The following NAALADL2 variants were observed in gnomAD, a reference collection of about 807,000 sequenced individuals.
NAALADL2 encodes inactive N-acetylated-alpha-linked acidic dipeptidase-like protein 2.
In NAALADL2, 76 loss-of-function variants were observed where a neutral mutation model predicts 87.2. That is an observed-to-expected ratio of 0.87 (90% CI 0.72 to 1.05). The LOEUF is 1.05. Ranked by LOEUF, NAALADL2 falls within the 50% of genes least tolerant of loss-of-function variation. NAALADL2 has a pLI of 0.00. For missense variants in NAALADL2, 1,089 were observed against 945.8 expected (o/e 1.15, Z -1.99); for synonymous variants, 354 against 331.0 (o/e 1.07, Z -0.75).
rs552982480 is a variant in NAALADL2 at position 174,584,514 on chromosome 3, C to T, written c.-115+33877C>T. Among the ~76,000 whole-genome samples, 33 of 152,042 alleles carry T rather than the reference C, an allele frequency of 2.2e-4. No homozygotes were observed. The South Asian group carries it at 4.2e-3, about 19-fold the overall frequency. On this transcript the variant is annotated intron_variant, in intron 2 of 3. Transcript: ENST00000434257. ...TGTGCTTCAACTTTCTACACATAGA[C>T]GAACAAAAAATTATTTTCAAATGTT...
intron 1 of NAALADL2, among the ~76,000 whole-genome samples, chr3:174,886,844 T>A (rs1248909555): frequency 6.6e-6 from 1 of 152,184 alleles, no homozygotes; most frequent in Non-Finnish European, 1.5e-5. Context: ...GTCTACCTAC[T>A]TCTCCTTTTA....
At chr3:174,677,803 G>A (rs567637485) in intron 2 of NAALADL2, among the ~76,000 whole-genome samples, 12 of 151,840 alleles carry the variant, frequency 7.9e-5, no homozygotes, top group Middle Eastern at 3.4e-3. Flanking sequence ...CATCAGAGCC[G>A]TCTTGCATCT....
Position 175,324,028 on chromosome 3 carries a change from C to CAAA in NAALADL2, c.940-134_940-132dup, listed in dbSNP as rs372517580. On this transcript the variant is annotated intron_variant, in intron 4 of 13. Transcript: ENST00000454872. ...GCGAGACTCCATCTCAAAAAACAAA[C>CAAA]AAAAAAAAAAAAAAAGAAAAAGAAA... The CAAA allele has an allele frequency of 4.4e-3, 1,917 of 432,586 alleles. 6 individuals are homozygous for CAAA. The highest frequency in any genetic ancestry group is 0.019 in the African/African-American group (573 of 30,946). 26.8% of individuals were successfully genotyped at this position (432,586 alleles called of 1,614,324 possible). A position where few individuals can be genotyped will look rare whatever the true frequency, so the allele number is the denominator to read the frequency against.
At chr3:174,730,554 T>C (rs1732601503) in intron 2 of NAALADL2, among the ~76,000 whole-genome samples, 1 of 152,210 alleles carries the variant, frequency 6.6e-6, no homozygotes, top group South Asian at 2.1e-4. Context: ...GAAATTTATG[T>C]GTCAAATTTC....
At chr3:174,509,953 A>G (rs185146706) in intron 1 of NAALADL2, among the ~76,000 whole-genome samples, 1 of 152,206 alleles carries the variant, frequency 6.6e-6, no homozygotes, top group African/African-American at 2.4e-5. Context: ...TTTATCATGA[A>G]TAGGTGTCAA....
At chr3:174,779,860 GT>G (rs1715721042) in intron 3 of NAALADL2, among the ~76,000 whole-genome samples, 1 of 152,156 alleles carries the variant, frequency 6.6e-6, no homozygotes, top group Admixed American at 6.5e-5. Context: ...ATACCATGCT[GT>G]TTTGGTTACT....
chr3:175,741,391 C>T (rs1745218768), intron 12 of NAALADL2, among the ~76,000 whole-genome samples: 1 of 152,052 alleles, frequency 6.6e-6, no homozygotes, highest in Non-Finnish European at 1.5e-5. Context: ...CTAAAAGATC[C>T]TACCTCCTAA....
Position 175,589,708 on chromosome 3 carries a change from TA to T in NAALADL2, c.1800+13522del, listed in dbSNP as rs1186289353. ...TTTTGTTGAGCATTTTTAGAATTGA[TA>T]TTTGTTCCTCTCTCTAATTCTTCTA... On this transcript the variant is annotated intron_variant, in intron 10 of 13. Transcript: ENST00000454872. 2.6e-5 allele frequency among the ~76,000 whole-genome samples: 4 copies of T among 151,778 alleles called. No individual in the cohort carries two copies. In the East Asian group the frequency reaches 7.8e-4, roughly 29 times the overall value.
chr3:175,154,619 A>T (rs1008515937), intron 2 of NAALADL2, among the ~76,000 whole-genome samples: 10 of 151,992 alleles, frequency 6.6e-5, no homozygotes, highest in African/African-American at 2.2e-4. Context: ...CATTATTAAT[A>T]ATATCACAGG....
intron 2 of NAALADL2, among the ~76,000 whole-genome samples, chr3:174,565,802 G>A (rs978472243): frequency 2.0e-5 from 3 of 151,958 alleles, no homozygotes; most frequent in Admixed American, 6.6e-5. Flanking sequence ...ATGAGTGAAA[G>A]TTTCTGTTAA....
At chr3:175,670,549 C>G (rs369560359) in intron 11 of NAALADL2, among the ~76,000 whole-genome samples, 3 of 5,052 alleles carry the variant, frequency 5.9e-4, no homozygotes, top group African/African-American at 6.6e-4. Flanking sequence ...TATTATTTTA[C>G]ATTATATTAA....
At chr3:175,359,139 A>G (rs746534383) in intron 5 of NAALADL2, among the ~76,000 whole-genome samples, 1 of 152,136 alleles carries the variant, frequency 6.6e-6, no homozygotes. Flanking sequence ...TTATTGCACA[A>G]TCTCCAAAGT....
intron 1 of NAALADL2, among the ~76,000 whole-genome samples, chr3:174,509,518 C>T (rs1412279028): frequency 6.7e-6 from 1 of 149,152 alleles, no homozygotes; most frequent in Admixed American, 6.7e-5. Context: ...TCTCCTGCCT[C>T]AGCCTCCTAA....
At chr3:175,577,614 A>G (rs921112305) in intron 10 of NAALADL2, among the ~76,000 whole-genome samples, 7 of 152,150 alleles carry the variant, frequency 4.6e-5, no homozygotes, top group Admixed American at 1.3e-4. Flanking sequence ...GAAGGATCCA[A>G]TCGTTTTCAA....
chr3:174,583,525 A>G (rs189073912), intron 2 of NAALADL2, among the ~76,000 whole-genome samples: 1 of 152,298 alleles, frequency 6.6e-6, no homozygotes, highest in African/African-American at 2.4e-5. Flanking sequence ...AAGGTTAAGC[A>G]TTTACAGTAA....
chr3:174,857,118 A>C (rs923269466), upstream of NAALADL2, among the ~76,000 whole-genome samples: 6 of 152,178 alleles, frequency 3.9e-5, no homozygotes, highest in Non-Finnish European at 8.8e-5. Flanking sequence ...ACCTGAACTC[A>C]GACTGAATTC....
chr3:175,162,643 C>A (rs971359007), intron 2 of NAALADL2, among the ~76,000 whole-genome samples: 1 of 152,036 alleles, frequency 6.6e-6, no homozygotes, highest in African/African-American at 2.4e-5. Context: ...ATGATTCTTG[C>A]CAGGAACCAG....
chr3:174,746,191 A>G (rs952494566), intron 3 of NAALADL2, among the ~76,000 whole-genome samples: 10 of 152,184 alleles, frequency 6.6e-5, no homozygotes, highest in Non-Finnish European at 1.5e-5. Context: ...CCATTGTTTC[A>G]GCCTAAGAGC....
chr3:175,141,279 A>C (rs1421567350), intron 2 of NAALADL2, among the ~76,000 whole-genome samples: 1 of 152,042 alleles, frequency 6.6e-6, no homozygotes, highest in Non-Finnish European at 1.5e-5. Context: ...GAATGTTCAT[A>C]GCTCCTTTTT....
Sources: allele counts gnomAD v4.1 joint callset (sites outside exome capture counted in the v4.1 genomes callset), GRCh38; gene constraint gnomAD v4.1.1; transcripts MANE v1.5; gene names NCBI Gene and HGNC (gene_info 2026-07-23, HGNC 2026-07-21).